The following RTN4RL1 variants were observed in gnomAD, a reference collection of about 807,000 sequenced individuals.
RTN4RL1 encodes the protein reticulon 4 receptor like 1.
Under a neutral mutation model 25.6 loss-of-function variants are expected in RTN4RL1, and 7 were observed. The observed-to-expected ratio is 0.27, with a 90% CI of 0.16 to 0.51. The LOEUF (loss-of-function observed/expected upper bound fraction) is 0.51, where lower values mean the gene tolerates loss of function less well. Among genes scored for constraint, RTN4RL1 ranks in the 20% least tolerant of loss-of-function variants. The probability of loss-of-function intolerance (pLI) is 0.97; values close to 1 mark genes in which losing one functional copy is unlikely to be tolerated. For synonymous variants in RTN4RL1, 297 were observed against 288.2 expected, an observed-to-expected ratio of 1.03 and a Z score of -0.31; for missense variants, 500 against 615.6, an observed-to-expected ratio of 0.81 and a Z score of 1.99.
chr17:2,008,470 C>G (rs1222713234), intron 1 of RTN4RL1, among the ~76,000 whole-genome samples: 1 of 152,140 alleles, frequency 6.6e-6, no homozygotes, highest in Non-Finnish European at 1.5e-5. Flanking sequence ...CACGAACACC[C>G]TGGGAGGGGT....
intron 1 of RTN4RL1, among the ~76,000 whole-genome samples, chr17:2,012,498 A>G (rs1252805660): frequency 6.6e-6 from 1 of 151,278 alleles, no homozygotes; most frequent in Non-Finnish European, 1.5e-5. Flanking sequence ...GTGGTGTAGG[A>G]CTCTTCTCTG....
intron 1 of RTN4RL1, among the ~76,000 whole-genome samples, chr17:1,974,860 A>G (rs1347864516): frequency 6.6e-6 from 1 of 152,242 alleles, no homozygotes; most frequent in African/African-American, 2.4e-5. Context: ...AGCATAGGCC[A>G]GCTTCCCAGG....
intron 1 of RTN4RL1, among the ~76,000 whole-genome samples, chr17:1,940,412 G>A (rs1915416819): frequency 1.3e-5 from 2 of 152,150 alleles, no homozygotes; most frequent in South Asian, 4.1e-4. Flanking sequence ...GGCCGAGGCT[G>A]CTGCTGTTTC....
intron 1 of RTN4RL1, chr17:2,020,835 A>G (rs1476896171): frequency 6.6e-6 from 1 of 152,184 alleles, no homozygotes; most frequent in Non-Finnish European, 1.5e-5. Context: ...CTGGATTTGC[A>G]TTCTGTTTTC....
In RTN4RL1 at chr17:1,937,009, C is replaced by A. The variant is rs749290685; in HGVS notation, c.813G>T (p.Gln271His). The A allele has an allele frequency of 1.6e-5, 25 of 1,604,588 alleles. No individual in the cohort carries two copies. In the Middle Eastern group the frequency reaches 5.0e-4, roughly 32 times the overall value. The change falls in exon 2 of 2, where the codon CAG becomes CAT. Residue 271 changes from glutamine to histidine, a missense_variant. Gln to His is a conservative substitution (Grantham distance 24). Coordinates refer to ENST00000331238, the MANE Select transcript of RTN4RL1 (RefSeq NM_178568.4). ...CRARSLWEWLQRFRGSSSAVP... is the reference protein window; with the variant it reads ...CRARSLWEWLHRFRGSSSAVP... ...CAGCGGAGCTGGAGCCCCGGAACCT[C>A]TGCAGCCATTCCCACAGGGAGCGCG...
intron 1 of RTN4RL1, among the ~76,000 whole-genome samples, chr17:1,990,839 A>C (rs1304028205): frequency 6.6e-6 from 1 of 152,150 alleles, no homozygotes; most frequent in Non-Finnish European, 1.5e-5. Context: ...CGTCTATCAC[A>C]CTGTTGTTTC....
At position 1,986,468 on chromosome 17, in the gene RTN4RL1, G is replaced by A. The variant is rs532028994; in HGVS notation, c.13+38385C>T. 3.9e-5 allele frequency among the ~76,000 whole-genome samples: 6 copies of A among 152,206 alleles called. No homozygotes were observed. In the South Asian group the frequency reaches 1.2e-3, roughly 32 times the overall value. ...TCGATGTAATTAAGTTAAAGATCTT[G>A]AGATAAGATCATCCTGGATTACCCC... is the stretch of plus-strand genomic sequence containing the variant. On this transcript the variant is annotated intron_variant, in intron 1 of 1. Transcript: ENST00000331238.
chr17:1,963,795 G>A (rs1272293754), intron 1 of RTN4RL1, among the ~76,000 whole-genome samples: 5 of 152,128 alleles, frequency 3.3e-5, no homozygotes. Context: ...GCAGTGGTGC[G>A]ATCTCGGCTG....
chr17:1,983,600 C>T (rs1047109930), intron 1 of RTN4RL1, among the ~76,000 whole-genome samples: 3 of 151,946 alleles, frequency 2.0e-5, no homozygotes, highest in African/African-American at 7.3e-5. Flanking sequence ...CGGGGTCTTA[C>T]CAGGTGTGTC....
chr17:2,020,791 C>G (rs2067190214), intron 1 of RTN4RL1: 1 of 152,218 alleles, frequency 6.6e-6, no homozygotes, highest in Non-Finnish European at 1.5e-5. Flanking sequence ...AAGACAAAAA[C>G]TTTAAGGAAA....
chr17:2,001,971 A>G (rs553460827), intron 1 of RTN4RL1, among the ~76,000 whole-genome samples: 4 of 148,338 alleles, frequency 2.7e-5, no homozygotes, highest in African/African-American at 9.9e-5. Context: ...AGGCAGACCT[A>G]CTTTCAAGGT....
intron 1 of RTN4RL1, among the ~76,000 whole-genome samples, chr17:1,947,284 G>A (rs545248227): frequency 1.5e-4 from 23 of 152,340 alleles, no homozygotes; most frequent in Non-Finnish European, 2.4e-4. Flanking sequence ...CTGAGTGCAC[G>A]TGCAAAGCCG....
At chr17:1,992,803 C>T (rs556316062) in intron 1 of RTN4RL1, among the ~76,000 whole-genome samples, 2 of 152,350 alleles carry the variant, frequency 1.3e-5, no homozygotes, top group South Asian at 4.1e-4. Flanking sequence ...CCATGCCTTG[C>T]CATCGTCGCC....
intron 1 of RTN4RL1, among the ~76,000 whole-genome samples, chr17:2,022,109 G>GT (rs1341125800): frequency 1.3e-5 from 2 of 151,656 alleles, no homozygotes; most frequent in South Asian, 4.2e-4. Flanking sequence ...GAGACCAGGA[G>GT]TTTGAGACCA....
intron 1 of RTN4RL1, among the ~76,000 whole-genome samples, chr17:1,997,014 C>T (rs933754549): frequency 2.0e-5 from 3 of 152,204 alleles, no homozygotes; most frequent in Non-Finnish European, 2.9e-5. Flanking sequence ...CTGCACCATC[C>T]CCCGCAACCA....
chr17:1,994,470 G>A lies in RTN4RL1; in HGVS notation c.13+30383C>T, dbSNP rs1486898494. 1.3e-5 allele frequency among the ~76,000 whole-genome samples: 2 copies of A among 152,160 alleles called. No individual in the cohort carries two copies. Among genetic ancestry groups the A allele is most frequent in the African/African-American group, 2.4e-5 (1 of 41,442 alleles). On this transcript the variant is annotated intron_variant, in intron 1 of 1. Transcript: ENST00000331238. The surrounding 1 kb of genome is among the most constrained non-coding windows in gnomAD (Gnocchi z 4.3). ...CTGAATATCCTCGGCCTCATCCCCT[G>A]ATATTCTCAATTCTCAGGTCAGAAA...
intron 1 of RTN4RL1, among the ~76,000 whole-genome samples, chr17:1,951,472 G>A (rs1276330179): frequency 6.6e-6 from 1 of 150,640 alleles, no homozygotes; most frequent in Non-Finnish European, 1.5e-5. Context: ...GTTTTTTTGG[G>A]ACAGAGTCTC....
At chr17:2,009,893 C>T (rs935134441) in intron 1 of RTN4RL1, among the ~76,000 whole-genome samples, 1 of 128,836 alleles carries the variant, frequency 7.8e-6, no homozygotes, top group Non-Finnish European at 1.6e-5. Context: ...GCCCCAGCCA[C>T]GGAGACAGCC....
chr17:1,958,746 C>T (rs1476573271), intron 1 of RTN4RL1, among the ~76,000 whole-genome samples: 1 of 152,250 alleles, frequency 6.6e-6, no homozygotes, highest in Non-Finnish European at 1.5e-5. Flanking sequence ...ATCAAGCCTG[C>T]TTAGCAGGGC....
Sources: allele counts gnomAD v4.1 joint callset (sites outside exome capture counted in the v4.1 genomes callset), GRCh38; gene constraint gnomAD v4.1.1; non-coding constraint Gnocchi (gnomAD v3.1); transcripts MANE v1.5; gene names NCBI Gene and HGNC (gene_info 2026-07-23, HGNC 2026-07-21).